PPARGC1A: variants seen among roughly 807,000 people sequenced by gnomAD.
The protein encoded by PPARGC1A is PPARG coactivator 1 alpha.
PPARGC1A carries 25 observed loss-of-function variants against 88.7 expected under a neutral mutation model. The observed-to-expected ratio is 0.28, with a 90% CI of 0.21 to 0.39. The LOEUF (loss-of-function observed/expected upper bound fraction) is 0.39, where lower values mean the gene tolerates loss of function less well. PPARGC1A is among the 10% of genes least tolerant of loss of function. The pLI is 1.00. For synonymous variants in PPARGC1A, 363 were observed against 355.6 expected, an observed-to-expected ratio of 1.02 and a Z score of -0.24; for missense variants, 880 against 968.7, an observed-to-expected ratio of 0.91 and a Z score of 1.22.
chr4:24,356,653 C>G, the PPARGC1A span, among the ~76,000 whole-genome samples: 1 of 152,180 alleles, frequency 6.6e-6, no homozygotes. Context: ...TGGGCCCTGT[C>G]CTTTGGAAGG....
the PPARGC1A span, among the ~76,000 whole-genome samples, chr4:24,078,490 A>C: frequency 6.6e-6 from 1 of 152,116 alleles, no homozygotes; most frequent in African/African-American, 2.4e-5. Flanking sequence ...ACTGTCCCCT[A>C]GTCCAGATAT....
chr4:23,922,914 A>G, the PPARGC1A span, among the ~76,000 whole-genome samples: 1 of 152,122 alleles, frequency 6.6e-6, no homozygotes, highest in Non-Finnish European at 1.5e-5. Flanking sequence ...GGCCACTGCA[A>G]TGGGGCAAGG....
the PPARGC1A span, among the ~76,000 whole-genome samples, chr4:24,099,666 T>C: frequency 6.6e-6 from 1 of 152,114 alleles, no homozygotes; most frequent in African/African-American, 2.4e-5. Flanking sequence ...AACTATCCAA[T>C]TGGTTTACGT....
chr4:24,109,343 T>C, the PPARGC1A span, among the ~76,000 whole-genome samples: 1 of 147,310 alleles, frequency 6.8e-6, no homozygotes, highest in African/African-American at 2.6e-5. Flanking sequence ...ACACACACTT[T>C]TATTCGTTTG....
At chr4:23,867,272 A>AC (rs1263276278) in intron 2 of PPARGC1A, among the ~76,000 whole-genome samples, 1 of 152,194 alleles carries the variant, frequency 6.6e-6, no homozygotes, top group Non-Finnish European at 1.5e-5. Context: ...TCACTAGCCA[A>AC]CCAACTCCTG....
the PPARGC1A span, among the ~76,000 whole-genome samples, chr4:24,098,828 C>A: frequency 1.3e-5 from 2 of 151,936 alleles, no homozygotes; most frequent in Non-Finnish European, 2.9e-5. Context: ...TGTTTGTGCC[C>A]GAAGCAAAAT....
the PPARGC1A span, among the ~76,000 whole-genome samples, chr4:24,213,258 C>T: frequency 6.6e-6 from 1 of 151,606 alleles, no homozygotes; most frequent in South Asian, 2.1e-4. Context: ...GTTCCGCCTC[C>T]CGGGTTCACG....
the PPARGC1A span, among the ~76,000 whole-genome samples, chr4:24,404,133 C>G: frequency 1.3e-5 from 2 of 151,920 alleles, no homozygotes. Context: ...CATGGTGGCA[C>G]ACACCTGTAA....
At chr4:23,955,196 G>A in the PPARGC1A span, among the ~76,000 whole-genome samples, 6 of 152,030 alleles carry the variant, frequency 3.9e-5, no homozygotes, top group African/African-American at 1.4e-4. Flanking sequence ...ATCCATAGCA[G>A]TGATTTCTTT....
intron 5 of PPARGC1A, 65 bp from the exon 6 acceptor site, chr4:23,824,573 A>T: frequency 2.2e-6 from 3 of 1,358,574 alleles, no homozygotes; most frequent in African/African-American, 1.5e-5. Context: ...TTTTCTCTCC[A>T]CAACAGTCAA....
the PPARGC1A span, among the ~76,000 whole-genome samples, chr4:24,394,913 A>T: frequency 3.9e-5 from 6 of 152,220 alleles, no homozygotes; most frequent in African/African-American, 1.2e-4. Context: ...AGCAAATAAT[A>T]TAGAGCTTGG....
At chr4:23,884,501 A>T (rs924444389) in intron 2 of PPARGC1A, 7 of 415,542 alleles carry the variant, frequency 1.7e-5, no homozygotes, top group Non-Finnish European at 2.5e-5. Context: ...ATTTCAACAC[A>T]GTTTAACTCA....
At chr4:24,169,072 G>A in the PPARGC1A span, among the ~76,000 whole-genome samples, 1 of 152,124 alleles carries the variant, frequency 6.6e-6, no homozygotes, top group Non-Finnish European at 1.5e-5. Flanking sequence ...GTGATAAGTT[G>A]GGTTGATAGT....
At chr4:23,912,792 C>CT in the PPARGC1A span, among the ~76,000 whole-genome samples, 1,510 of 138,448 alleles carry the variant, frequency 0.011, 23 homozygotes, top group African/African-American at 0.035. Flanking sequence ...GAACTAATTT[C>CT]TTTTTTTTTT....
At chr4:24,002,329 TG>T in the PPARGC1A span, among the ~76,000 whole-genome samples, 1 of 152,106 alleles carries the variant, frequency 6.6e-6, no homozygotes, top group Non-Finnish European at 1.5e-5. Flanking sequence ...AGTTTCACTA[TG>T]TTGGCCAGGA....
intron 5 of PPARGC1A, among the ~76,000 whole-genome samples, chr4:23,827,428 T>TG (rs972752417): frequency 3.4e-5 from 5 of 148,242 alleles, no homozygotes; most frequent in African/African-American, 7.4e-5. Flanking sequence ...AAAATGAAAG[T>TG]GAAAAAAAAA....
At chr4:23,879,406 G>A (rs1715467846) in intron 2 of PPARGC1A, among the ~76,000 whole-genome samples, 1 of 152,128 alleles carries the variant, frequency 6.6e-6, no homozygotes, top group South Asian at 2.1e-4. Flanking sequence ...AAAGATAGAG[G>A]GCCCCTTTGT....
the PPARGC1A span, among the ~76,000 whole-genome samples, chr4:24,061,911 C>T: frequency 2.6e-5 from 4 of 152,244 alleles, no homozygotes; most frequent in African/African-American, 7.2e-5. Flanking sequence ...GCCACAATCT[C>T]GATTGTTAAT....
At chr4:24,389,164 A>G in the PPARGC1A span, among the ~76,000 whole-genome samples, 2 of 152,170 alleles carry the variant, frequency 1.3e-5, no homozygotes, top group African/African-American at 4.8e-5. Flanking sequence ...TTTCAGTAAA[A>G]TTTTGAATAT....
Sources: allele counts gnomAD v4.1 joint callset (sites outside exome capture counted in the v4.1 genomes callset), GRCh38; gene constraint gnomAD v4.1.1; transcripts MANE v1.5; gene names NCBI Gene and HGNC (gene_info 2026-07-23, HGNC 2026-07-21).